CAB39L: variants seen among roughly 807,000 people sequenced by gnomAD.
CAB39L encodes the protein calcium-binding protein 39-like.
In CAB39L, 23 loss-of-function variants were observed where a neutral mutation model predicts 39.1. That is an observed-to-expected ratio of 0.59 (90% CI 0.42 to 0.83). CAB39L has a LOEUF of 0.83. Ranked by LOEUF, CAB39L falls within the 40% of genes least tolerant of loss-of-function variation. The pLI, the probability that CAB39L is intolerant of heterozygous loss-of-function variation, is 0.00. For missense variants in CAB39L, 366 were observed against 391.9 expected (o/e 0.93, Z 0.56); for synonymous variants, 126 against 137.2 (o/e 0.92, Z 0.57).
At position 49,308,703 on chromosome 13, in the gene CAB39L, C is replaced by G. The variant is rs1953901180; in HGVS notation, c.*2111G>C. ...TCATTTAAATGTGTGCTTTTGAAAT[C>G]ACTAAATATGACCTTTTCAGAATTC... On this transcript the variant is annotated 3_prime_UTR_variant, in exon 11 of 11. Coordinates refer to ENST00000409308, the MANE Select transcript of CAB39L (RefSeq NM_001079670.3). 1 of 152,614 alleles carries G rather than the reference C, an allele frequency of 6.6e-6. No homozygotes were observed. The highest frequency in any genetic ancestry group is 2.4e-5 in the African/African-American group (1 of 41,446). The allele number at this position is 152,614 out of a possible 1,614,324, so 9.5% of individuals were successfully genotyped here. A position where few individuals can be genotyped will look rare whatever the true frequency, so the allele number is the denominator to read the frequency against.
intron 3 of CAB39L, among the ~76,000 whole-genome samples, chr13:49,411,378 C>T (rs1956986556): frequency 6.6e-6 from 1 of 150,426 alleles, no homozygotes; most frequent in South Asian, 2.1e-4. Context: ...TCACTGCACT[C>T]CAGCCTGGGC....
At chr13:49,351,083 C>T (rs184107481) in intron 6 of CAB39L, 171 bp from the exon 7 acceptor site, 33 of 376,666 alleles carry the variant, frequency 8.8e-5, no homozygotes, top group African/African-American at 3.0e-4. Context: ...CTATTGCAGA[C>T]GTATTCTGGA....
At chr13:49,311,394 C>T (rs1367323614) in intron 10 of CAB39L, among the ~76,000 whole-genome samples, 1 of 152,162 alleles carries the variant, frequency 6.6e-6, no homozygotes, top group East Asian at 1.9e-4. Flanking sequence ...TAATCAACGA[C>T]GATGGTACTG....
chr13:49,331,459 C>G (rs1236751001), intron 10 of CAB39L, among the ~76,000 whole-genome samples: 1 of 151,966 alleles, frequency 6.6e-6, no homozygotes, highest in Non-Finnish European at 1.5e-5. Flanking sequence ...GAGTGAGACT[C>G]CATCTCAAAA....
chr13:49,377,847 C>T (rs1594019517), intron 4 of CAB39L, among the ~76,000 whole-genome samples: 1 of 93,826 alleles, frequency 1.1e-5, no homozygotes, highest in African/African-American at 6.0e-5. Context: ...CTCTGCCTGG[C>T]TGCCCAGTCT....
At chr13:49,346,097 C>CTATATATATATATATATATATA (rs1955153735) in intron 7 of CAB39L, among the ~76,000 whole-genome samples, 3 of 8,694 alleles carry the variant, frequency 3.5e-4, no homozygotes, top group South Asian at 4.5e-3. Flanking sequence ...TATATATATG[C>CTATATATATATATATATATATA]TAGATATATA....
At chr13:49,316,969 C>A (rs933728516) in intron 10 of CAB39L, among the ~76,000 whole-genome samples, 7 of 152,130 alleles carry the variant, frequency 4.6e-5, no homozygotes, top group African/African-American at 1.7e-4. Flanking sequence ...CTGGCAACCA[C>A]CAGAAGCTGG....
chr13:49,436,746 C>T (rs1253109160), intron 1 of CAB39L, among the ~76,000 whole-genome samples: 1 of 151,846 alleles, frequency 6.6e-6, no homozygotes, highest in Non-Finnish European at 1.5e-5. Flanking sequence ...AGTAAATTCA[C>T]TTTTCATATC....
intron 3 of CAB39L, among the ~76,000 whole-genome samples, chr13:49,428,791 T>C (rs796989607): frequency 4.0e-5 from 6 of 151,518 alleles, no homozygotes; most frequent in African/African-American, 1.5e-4. Flanking sequence ...TTTGCCTCAA[T>C]CATAAAAAGA....
intron 4 of CAB39L, among the ~76,000 whole-genome samples, chr13:49,378,616 G>T (rs1179115346): frequency 5.9e-5 from 4 of 67,562 alleles, no homozygotes; most frequent in African/African-American, 9.0e-5. Flanking sequence ...CCGGCCAGCC[G>T]CCCCGTCCGG....
At chr13:49,313,573 T>A (rs1378233558) in intron 10 of CAB39L, among the ~76,000 whole-genome samples, 2 of 152,196 alleles carry the variant, frequency 1.3e-5, no homozygotes, top group African/African-American at 4.8e-5. Flanking sequence ...ATTCTGTATT[T>A]CTATGAAGTT....
At chr13:49,389,059 A>G (rs1226601023) in intron 3 of CAB39L, among the ~76,000 whole-genome samples, 1 of 152,224 alleles carries the variant, frequency 6.6e-6, no homozygotes, top group Non-Finnish European at 1.5e-5. Context: ...AAAATAAAAA[A>G]GAAGAAAGAA....
chr13:49,322,519 G>A (rs186352882), intron 10 of CAB39L, among the ~76,000 whole-genome samples: 6 of 152,302 alleles, frequency 3.9e-5, no homozygotes, highest in South Asian at 2.1e-4. Context: ...TTATGCAGAT[G>A]CAAGTTATTA....
intron 3 of CAB39L, among the ~76,000 whole-genome samples, chr13:49,422,418 C>CA (rs1566133343): frequency 6.6e-6 from 1 of 152,044 alleles, no homozygotes; most frequent in East Asian, 1.9e-4. Context: ...ACTAAAAATA[C>CA]AAAAAGTTAG....
rs755623695 is a variant in CAB39L, at chr13:49,434,211, T to C, written c.-233A>G. 4.0e-5 allele frequency: 18 copies of C among 453,688 alleles called. No homozygotes were observed. Among genetic ancestry groups the C allele is most frequent in the Non-Finnish European group, 4.9e-5 (11 of 226,192 alleles). 28.1% of individuals were successfully genotyped at this position (453,688 alleles called of 1,614,324 possible). A position where few individuals can be genotyped will look rare whatever the true frequency, so the allele number is the denominator to read the frequency against. ...CTCCTGATATTCTTTCTTCTCAATA[T>C]TTGATGGATATCCTGCAATAATGTA... is the stretch of plus-strand genomic sequence containing the variant. On this transcript the variant is annotated 5_prime_UTR_variant, in exon 2 of 11. Transcript: ENST00000409308.
At chr13:49,441,221 GTATATA>G (rs59783079) in intron 1 of CAB39L, among the ~76,000 whole-genome samples, 5,213 of 121,472 alleles carry the variant, frequency 0.043, 446 homozygotes, top group African/African-American at 0.18. Flanking sequence ...ATGATTTAGT[GTATATA>G]TATATATATA....
In CAB39L at chr13:49,323,284, T is replaced by G. The variant is rs964802025; in HGVS notation, c.834+8663A>C. Reference sequence around the variant, plus strand: ...ACACTGGCTTTGTGCATCAGGGGCCTTCACTCTGCTATCACTTGCTCACCC... The same window carrying G: ...ACACTGGCTTTGTGCATCAGGGGCCGTCACTCTGCTATCACTTGCTCACCC... On this transcript the variant is annotated intron_variant, in intron 10 of 10. Coordinates refer to ENST00000409308, the MANE Select transcript of CAB39L (RefSeq NM_001079670.3). 9.8e-5 allele frequency among the ~76,000 whole-genome samples: 15 copies of G among 152,358 alleles called. No homozygotes were observed. In the East Asian group the frequency reaches 2.9e-3, roughly 29 times the overall value.
chr13:49,318,301 C>G (rs1240257515), intron 10 of CAB39L, among the ~76,000 whole-genome samples: 3 of 150,554 alleles, frequency 2.0e-5, no homozygotes, highest in African/African-American at 7.4e-5. Context: ...GACCCTGTCT[C>G]CACAAAAAAT....
At chr13:49,364,288 G>A (rs2138518259) in intron 5 of CAB39L, among the ~76,000 whole-genome samples, 1 of 152,250 alleles carries the variant, frequency 6.6e-6, no homozygotes, top group East Asian at 1.9e-4. Flanking sequence ...GGAAGTCTTA[G>A]CTAGAGCAAT....
Sources: allele counts gnomAD v4.1 joint callset (sites outside exome capture counted in the v4.1 genomes callset), GRCh38; gene constraint gnomAD v4.1.1; transcripts MANE v1.5; gene names NCBI Gene and HGNC (gene_info 2026-07-23, HGNC 2026-07-21).